RUFY2: variants seen among roughly 807,000 people sequenced by gnomAD.
The protein encoded by RUFY2 is RUN and FYVE domain-containing protein 2.
A neutral mutation model predicts 94.4 loss-of-function variants in RUFY2; 49 were observed. That is an observed-to-expected ratio of 0.52 (90% confidence interval 0.41 to 0.66). The LOEUF is 0.66. Among genes scored for constraint, RUFY2 ranks in the 30% least tolerant of loss-of-function variants. RUFY2 has a pLI of 0.00. For missense variants in RUFY2, 541 were observed against 692.8 expected, an observed-to-expected ratio of 0.78 and a Z score of 2.46; for synonymous variants, 255 against 235.7, an observed-to-expected ratio of 1.08 and a Z score of -0.75.
rs2051402927 is a variant in RUFY2 at position 68,407,263 on chromosome 10, G to A, written c.-74C>T. 7 of 1,229,570 alleles carry A rather than the reference G, an allele frequency of 5.7e-6. No individual in the cohort carries two copies. The highest frequency in any genetic ancestry group is 2.7e-5 in the South Asian group (1 of 36,960). The allele number at this position is 1,229,570 out of a possible 1,614,324, so 76.2% of individuals were successfully genotyped here. On this transcript the variant is annotated 5_prime_UTR_variant, in exon 1 of 18. Transcript: ENST00000602465. ...AGCAGCTCCTTCCAGGCGCTCGGCG[G>A]CCACCACCGCATCTGCAGCCAGGCC... is the stretch of plus-strand genomic sequence containing the variant.
At chr10:68,403,160 A>G (rs1404480157) in intron 2 of RUFY2, among the ~76,000 whole-genome samples, 1 of 150,234 alleles carries the variant, frequency 6.7e-6, no homozygotes, top group Non-Finnish European at 1.5e-5. Flanking sequence ...TTTTTTTTAA[A>G]GAAGGAAGTC....
intron 13 of RUFY2, among the ~76,000 whole-genome samples, chr10:68,371,553 C>G (rs1412118225): frequency 6.6e-6 from 1 of 151,286 alleles, no homozygotes; most frequent in African/African-American, 2.4e-5. Flanking sequence ...GATCGCGCCA[C>G]TGCACTCTAG....
At chr10:68,371,696 C>A (rs1047650731) in intron 13 of RUFY2, among the ~76,000 whole-genome samples, 1 of 151,966 alleles carries the variant, frequency 6.6e-6, no homozygotes, top group African/African-American at 2.4e-5. Flanking sequence ...TGAGAATTTC[C>A]CAAATCTGAC....
intron 13 of RUFY2, among the ~76,000 whole-genome samples, chr10:68,372,191 T>C (rs970029703): frequency 6.6e-6 from 1 of 152,082 alleles, no homozygotes; most frequent in Non-Finnish European, 1.5e-5. Flanking sequence ...GGAGAACTGC[T>C]TGAGGCCAGG....
intron 1 of RUFY2, chr10:68,406,983 G>T: frequency 6.5e-7 from 1 of 1,530,556 alleles, no homozygotes; most frequent in Non-Finnish European, 8.8e-7. Context: ...GGCGGGAACG[G>T]GCCGGAACAA....
Position 68,404,859 on chromosome 10 carries a change from A to C in RUFY2, c.5-15T>G, listed in dbSNP as rs2051144618. The C allele has an allele frequency of 2.6e-6, 4 of 1,526,788 alleles. No homozygotes were observed. Among genetic ancestry groups the C allele is most frequent in the Non-Finnish European group, 3.5e-6 (4 of 1,133,462 alleles). 94.6% of individuals were successfully genotyped at this position (1,526,788 alleles called of 1,614,324 possible). A position where few individuals can be genotyped will look rare whatever the true frequency, so the allele number is the denominator to read the frequency against. On this transcript the variant is annotated splice_polypyrimidine_tract_variant and intron_variant, in intron 1 of 17. Coordinates refer to ENST00000602465, the MANE Select transcript of RUFY2 (RefSeq NM_001330103.2). ...GTCTTTTGTAGCTGAAAACACAAGA[A>C]AGGAATCCAACATCATTTGTAAGAC...
chr10:68,372,804 G>A (rs1020373024), intron 13 of RUFY2, among the ~76,000 whole-genome samples: 2 of 151,798 alleles, frequency 1.3e-5, no homozygotes, highest in African/African-American at 4.8e-5. Context: ...AGCTACTCAG[G>A]AGCCTGAGAT....
chr10:68,385,213 G>A lies in RUFY2; in HGVS notation c.720+846C>T, dbSNP rs571414525. Among the ~76,000 whole-genome samples the A allele has an allele frequency of 4.5e-3, 685 of 151,462 alleles. 2 individuals carry two copies. Among genetic ancestry groups the A allele is most frequent in the Middle Eastern group, 0.017 (5 of 294 alleles). The stretch of plus-strand genomic sequence containing the variant: ...TGGGAGGCGGAGGTTGCAGTGAGCC[G>A]AGATCGCGCCACTGCACTCCAGCCT... On this transcript the variant is annotated intron_variant, in intron 8 of 17. Transcript: ENST00000602465.
chr10:68,341,970 T>C (rs868506365), downstream of RUFY2: 3 of 1,613,716 alleles, frequency 1.9e-6, no homozygotes, highest in Middle Eastern at 1.7e-4. Flanking sequence ...TAATATCTTT[T>C]TCTTAAGGCC....
chr10:68,377,248 C>T, intron 12 of RUFY2: 2 of 1,262,494 alleles, frequency 1.6e-6, no homozygotes, highest in South Asian at 1.8e-5. Flanking sequence ...CAAAGCAATA[C>T]AGCCTTTACC....
At position 68,345,857 on chromosome 10, in the gene RUFY2, G is replaced by T; in HGVS notation, c.1732C>A (p.Leu578Ile). 1 of 1,614,132 alleles carries T rather than the reference G, an allele frequency of 6.2e-7. No homozygotes were observed. The highest frequency in any genetic ancestry group is 1.1e-5 in the South Asian group (1 of 91,078). ...GGTTTTGGTGAAGAAGGCAAAGGTA[G>T]TTCGTTGTCAGAGCAGGCATTACAG... is the stretch of plus-strand genomic sequence containing the variant. ...IFCNACSDNE[L>I]PLPSSPKPVR... The change falls in exon 18 of 18, where the codon CTA becomes ATA. Residue 578 changes from leucine (L) to isoleucine (I), a missense_variant. Coordinates refer to ENST00000602465, the MANE Select transcript of RUFY2 (RefSeq NM_001330103.2).
At chr10:68,373,541 G>T (rs886235279) in intron 13 of RUFY2, among the ~76,000 whole-genome samples, 1 of 151,934 alleles carries the variant, frequency 6.6e-6, no homozygotes, top group African/African-American at 2.4e-5. Context: ...CTGAGGCAGA[G>T]GAATCACTTG....
chr10:68,355,858 G>A (rs187046715), intron 15 of RUFY2, among the ~76,000 whole-genome samples: 29 of 148,694 alleles, frequency 2.0e-4, no homozygotes, highest in African/African-American at 7.0e-4. Context: ...AGCTTGCAGT[G>A]AGCCAAGATC....
In RUFY2 at chr10:68,399,295, C is replaced by G. The variant is rs529110924; in HGVS notation, c.296+2325G>C. Among the ~76,000 whole-genome samples the G allele has an allele frequency of 7.6e-4, 116 of 152,212 alleles. 1 individual carries two copies. Among genetic ancestry groups the G allele is most frequent in the Admixed American group, 3.6e-3 (55 of 15,286 alleles). On this transcript the variant is annotated intron_variant, in intron 3 of 17. Transcript: ENST00000602465. Reference sequence around the variant, plus strand: ...TCTTGGGCTCAGGCAATCCACCCATCTCAGCCTCCAAAGTTCTGGGATTAT... The same window carrying G: ...TCTTGGGCTCAGGCAATCCACCCATGTCAGCCTCCAAAGTTCTGGGATTAT...
downstream of RUFY2, chr10:68,341,691 T>C (rs767029982): frequency 6.2e-7 from 1 of 1,606,138 alleles, no homozygotes; most frequent in African/African-American, 1.3e-5. Flanking sequence ...GTATGTAAAG[T>C]TTTTAAAATA....
At chr10:68,347,495 A>G (rs554174181) in intron 16 of RUFY2, among the ~76,000 whole-genome samples, 7 of 151,920 alleles carry the variant, frequency 4.6e-5, no homozygotes, top group Admixed American at 2.0e-4. Flanking sequence ...TGTTGGCCAG[A>G]CTGGTCTCAA....
intron 16 of RUFY2, among the ~76,000 whole-genome samples, chr10:68,353,496 C>CA (rs1211739637): frequency 2.5e-3 from 354 of 144,482 alleles, no homozygotes; most frequent in African/African-American, 6.0e-3. Context: ...GACTCCGTCT[C>CA]AAAAAAAAAA....
chr10:68,367,752 CTCTT>C (rs1316258938), intron 13 of RUFY2, among the ~76,000 whole-genome samples: 1 of 126,550 alleles, frequency 7.9e-6, no homozygotes, highest in Non-Finnish European at 1.6e-5. Flanking sequence ...CTCTCTCTCT[CTCTT>C]TCCTTCCTTT....
intron 6 of RUFY2, chr10:68,393,750 G>T: frequency 3.5e-6 from 1 of 288,676 alleles, no homozygotes. Flanking sequence ...AACATAGTTC[G>T]ATCTTGAAGT....
Sources: gnomAD v4.1 joint callset for allele counts (sites outside exome capture counted in the v4.1 genomes callset) on GRCh38, gnomAD v4.1.1 for gene constraint, MANE v1.5 for transcripts, NCBI Gene and HGNC (gene_info 2026-07-23, HGNC 2026-07-21) for gene names.